TCERG1L: variants seen among roughly 807,000 people sequenced by gnomAD.
TCERG1L encodes the protein transcription elongation regulator 1-like protein.
Under a neutral mutation model 56.3 loss-of-function variants are expected in TCERG1L, and 37 were observed. That is an observed-to-expected ratio of 0.66 (90% confidence interval 0.51 to 0.87). The LOEUF is 0.87. TCERG1L is among the 40% of genes least tolerant of loss of function. The pLI is 0.00. For missense variants in TCERG1L, 799 were observed against 774.2 expected, an observed-to-expected ratio of 1.03 and a Z score of -0.38; for synonymous variants, 324 against 326.3, an observed-to-expected ratio of 0.99 and a Z score of 0.08.
intron 4 of TCERG1L, among the ~76,000 whole-genome samples, chr10:131,209,983 C>T (rs187037387): frequency 2.0e-5 from 3 of 152,248 alleles, no homozygotes; most frequent in East Asian, 1.9e-4. Flanking sequence ...TTGATGCCGT[C>T]GTAATTTCGC....
chr10:131,135,642 T>C (rs571275933), intron 7 of TCERG1L, among the ~76,000 whole-genome samples: 1 of 152,332 alleles, frequency 6.6e-6, no homozygotes, highest in South Asian at 2.1e-4. Context: ...TGCATCATCC[T>C]TGTGGGGCCT....
chr10:131,101,304 G>A (rs925215249), intron 10 of TCERG1L, among the ~76,000 whole-genome samples: 6 of 152,230 alleles, frequency 3.9e-5, no homozygotes, highest in African/African-American at 1.4e-4. Flanking sequence ...AGCAGACTGG[G>A]CCCCTGTGTT....
At position 131,260,345 on chromosome 10, in the gene TCERG1L, C is replaced by G. The variant is rs147433993; in HGVS notation, c.770G>C (p.Arg257Pro). 1 of 1,482,026 alleles carries G rather than the reference C, an allele frequency of 6.7e-7. No individual in the cohort carries two copies. Among genetic ancestry groups the G allele is most frequent in the Admixed American group, 2.9e-5 (1 of 34,814 alleles). 91.8% of individuals were successfully genotyped at this position (1,482,026 alleles called of 1,614,324 possible). A position where few individuals can be genotyped will look rare whatever the true frequency, so the allele number is the denominator to read the frequency against. ...CTGCACGCTGGAGGGGGACGGGCCCCGGAGGTTCTCAGGGTCCACGGAGAC... is the reference window on the plus strand; with the variant it reads ...CTGCACGCTGGAGGGGGACGGGCCCGGGAGGTTCTCAGGGTCCACGGAGAC... ...AMVSVDPENL[R>P]GPSPSSVQPR... Residue 257 changes from arginine (R) to proline (P), a missense_variant, in exon 4 of 12, where the codon CGG becomes CCG. Transcript: ENST00000368642. The surrounding 1 kb of genome is among the most constrained non-coding windows in gnomAD (Gnocchi z 5.8).
chr10:131,227,477 C>T (rs758295727), intron 4 of TCERG1L, among the ~76,000 whole-genome samples: 18 of 152,186 alleles, frequency 1.2e-4, no homozygotes, highest in Admixed American at 2.6e-4. Flanking sequence ...GAAGAGCCAC[C>T]GCCTCCCCGC....
At chr10:131,283,550 A>T (rs868639081) in intron 3 of TCERG1L, among the ~76,000 whole-genome samples, 47 of 152,338 alleles carry the variant, frequency 3.1e-4, no homozygotes, top group Non-Finnish European at 4.1e-4. Flanking sequence ...ACAAAAGACA[A>T]ATTTGGACCC....
In TCERG1L at chr10:131,142,662, G is replaced by C. The variant is rs190815795; in HGVS notation, c.1189+3844C>G. ...CTGTGTCCATCACAGGCTGCCCTCA[G>C]GTCTGGCATCAGACCCGCCGGGGTG... On this transcript the variant is annotated intron_variant, in intron 7 of 11. Transcript: ENST00000368642. Among the ~76,000 whole-genome samples, 105 of 152,282 alleles carry C rather than the reference G, an allele frequency of 6.9e-4. No homozygotes were observed. In the East Asian group the frequency reaches 0.016, roughly 22 times the overall value.
At chr10:131,299,496 A>ATATATCTTTCGAAGATAAAG (rs1846735994) in intron 3 of TCERG1L, among the ~76,000 whole-genome samples, 2 of 149,814 alleles carry the variant, frequency 1.3e-5, no homozygotes, top group African/African-American at 5.0e-5. Flanking sequence ...TCTTTTGAAG[A>ATATATCTTTCGAAGATAAAG]TATATCTTTC....
At chr10:131,175,878 G>T (rs1000044777) in intron 4 of TCERG1L, among the ~76,000 whole-genome samples, 1 of 152,164 alleles carries the variant, frequency 6.6e-6, no homozygotes, top group African/African-American at 2.4e-5. Context: ...GGTGCAGACA[G>T]GAAGCGGGGA....
intron 4 of TCERG1L, among the ~76,000 whole-genome samples, chr10:131,238,155 T>G (rs1845933145): frequency 6.6e-6 from 1 of 152,112 alleles, no homozygotes; most frequent in Admixed American, 6.5e-5. Context: ...CCCCTAGATC[T>G]GCAGTCTGGA....
chr10:131,117,208 T>C (rs1442434318), intron 8 of TCERG1L, among the ~76,000 whole-genome samples: 2 of 152,108 alleles, frequency 1.3e-5, no homozygotes, highest in Non-Finnish European at 2.9e-5. Context: ...GGTGGAAACA[T>C]ACACTGGCTG....
chr10:131,222,326 G>A (rs1047140901), intron 4 of TCERG1L, among the ~76,000 whole-genome samples: 8 of 152,352 alleles, frequency 5.3e-5, no homozygotes, highest in East Asian at 3.9e-4. Context: ...TGACGGCTGC[G>A]TTTTGAACCA....
chr10:131,124,485 G>T (rs920958694), intron 8 of TCERG1L, among the ~76,000 whole-genome samples: 9 of 152,180 alleles, frequency 5.9e-5, no homozygotes, highest in African/African-American at 2.2e-4. Flanking sequence ...TGAATGAGTG[G>T]CCACTGAGTT....
intron 4 of TCERG1L, among the ~76,000 whole-genome samples, chr10:131,257,753 T>C (rs915915817): frequency 5.3e-5 from 8 of 152,048 alleles, no homozygotes; most frequent in African/African-American, 1.9e-4. Context: ...CCAAAACACA[T>C]GGATAGTCAC....
In TCERG1L at chr10:131,118,087, C is replaced by G. The variant is rs1455150137; in HGVS notation, c.1260-1153G>C. On this transcript the variant is annotated intron_variant, in intron 8 of 11. Transcript: ENST00000368642. This position sits in a 1 kb window ranked among gnomAD's most constrained non-coding sequence, Gnocchi z 4.2. ...CATGCTGAGCCCTCGTGGGCCTGCT[C>G]CCTGGCCTGGCCCTGCTCCCACACC... is the stretch of plus-strand genomic sequence containing the variant. 6.6e-6 allele frequency among the ~76,000 whole-genome samples: 1 copy of G among 152,180 alleles called. No individual in the cohort carries two copies. The highest frequency in any genetic ancestry group is 1.5e-5 in the Non-Finnish European group (1 of 68,038).
chr10:131,235,053 G>A (rs557266071), intron 4 of TCERG1L, among the ~76,000 whole-genome samples: 76 of 152,158 alleles, frequency 5.0e-4, no homozygotes, highest in Non-Finnish European at 8.1e-4. Flanking sequence ...GTGAGCCTCT[G>A]GACAGTGGGA....
intron 8 of TCERG1L, among the ~76,000 whole-genome samples, chr10:131,123,521 G>T: frequency 6.6e-6 from 1 of 152,172 alleles, no homozygotes; most frequent in East Asian, 1.9e-4. Context: ...TGAGGGGAGG[G>T]TGTGGGGGGC....
chr10:131,262,416 T>C (rs1283976944), intron 3 of TCERG1L, among the ~76,000 whole-genome samples: 1 of 152,188 alleles, frequency 6.6e-6, no homozygotes, highest in Admixed American at 6.5e-5. Flanking sequence ...AATGAACATA[T>C]CTAGATGGCA....
chr10:131,226,830 G>A (rs1313385605), intron 4 of TCERG1L, among the ~76,000 whole-genome samples: 1 of 152,272 alleles, frequency 6.6e-6, no homozygotes, highest in Admixed American at 6.5e-5. Context: ...ATAAAGTGCT[G>A]TATTTTCATG....
intron 4 of TCERG1L, among the ~76,000 whole-genome samples, chr10:131,241,376 G>A (rs1475021029): frequency 6.6e-6 from 1 of 152,196 alleles, no homozygotes; most frequent in Non-Finnish European, 1.5e-5. Context: ...CCTGATGCCC[G>A]GGAACCTGTG....
Sources: allele counts gnomAD v4.1 joint callset (sites outside exome capture counted in the v4.1 genomes callset), GRCh38; gene constraint gnomAD v4.1.1; non-coding constraint Gnocchi (gnomAD v3.1); transcripts MANE v1.5; gene names NCBI Gene and HGNC (gene_info 2026-07-23, HGNC 2026-07-21).